APBB1: variants seen among roughly 807,000 people sequenced by gnomAD.
APBB1 encodes amyloid beta precursor protein binding family B member 1, also known as adaptor protein FE65a2.
In APBB1, 22 loss-of-function variants were observed where a neutral mutation model predicts 78.4. That is an observed-to-expected ratio of 0.28 (90% confidence interval 0.20 to 0.40). APBB1 has a LOEUF of 0.40. Ranked by LOEUF, APBB1 falls within the 10% of genes least tolerant of loss-of-function variation. The pLI is 1.00. For synonymous variants in APBB1, 369 were observed against 372.7 expected, an observed-to-expected ratio of 0.99 and a Z score of 0.12; for missense variants, 749 against 932.4, an observed-to-expected ratio of 0.80 and a Z score of 2.56.
rs1222602655 is a variant in APBB1 at position 6,411,290 on chromosome 11, G to T, written c.58C>A (p.Pro20Thr). The T allele has an allele frequency of 1.9e-6, 3 of 1,568,436 alleles. No individual in the cohort carries two copies. Among genetic ancestry groups the T allele is most frequent in the East Asian group, 4.5e-5 (2 of 44,464 alleles). ...SAINANSHGG[P>T]ALSLPLPLHA... Reference sequence around the variant, plus strand: ...AGAGGCAGGGGTAGGCTCAGTGCGGGGCCTCCGTGGCTGTTGGCATTAATG... The same window carrying T: ...AGAGGCAGGGGTAGGCTCAGTGCGGTGCCTCCGTGGCTGTTGGCATTAATG... Residue 20 changes from proline (P) to threonine (T), a missense_variant, in exon 2 of 15, where the codon CCC (proline) becomes ACC (threonine). Transcript: ENST00000609360. The surrounding 1 kb of genome is among the most constrained non-coding windows in gnomAD (Gnocchi z 5.2).
rs1848359501 is a variant in APBB1, at chr11:6,398,841, AAGTC to A, written c.1672+2144_1672+2147del. Among the ~76,000 whole-genome samples, 9 of 152,232 alleles carry A rather than the reference AAGTC, an allele frequency of 5.9e-5. No homozygotes were observed. The South Asian group carries it at 1.7e-3, about 28-fold the overall frequency. ...TTTCAATGTAAGATTTTGGACGTGA[AAGTC>A]AGCACGGTATAAGGGAAAGTGCAGA... On this transcript the variant is annotated intron_variant, in intron 12 of 14. Coordinates refer to ENST00000609360, the MANE Select transcript of APBB1 (RefSeq NM_001164.5).
Position 6,401,226 on chromosome 11 carries a change from T to C in APBB1, c.1588+119A>G. On this transcript the variant is annotated intron_variant, in intron 11 of 14. Coordinates refer to ENST00000609360, the MANE Select transcript of APBB1 (RefSeq NM_001164.5). The surrounding 1 kb of genome is among the most constrained non-coding windows in gnomAD (Gnocchi z 4.5). Reference sequence around the variant, plus strand: ...ACCGGAGTCCCTCCACGTATTGGAGTATTCAGTCTTCATGTGTTCATTTTT... The same window carrying C: ...ACCGGAGTCCCTCCACGTATTGGAGCATTCAGTCTTCATGTGTTCATTTTT... 1 of 1,610,292 alleles carries C rather than the reference T, an allele frequency of 6.2e-7. No individual in the cohort carries two copies. Among genetic ancestry groups the C allele is most frequent in the South Asian group, 1.1e-5 (1 of 90,568 alleles).
chr11:6,410,143 T>C (rs1848921375), intron 2 of APBB1, among the ~76,000 whole-genome samples: 1 of 151,576 alleles, frequency 6.6e-6, no homozygotes, highest in Non-Finnish European at 1.5e-5. Context: ...GCTCTATGCA[T>C]TGGCGGCAGC....
In APBB1 at chr11:6,410,740, C is replaced by T. The variant is rs1048431765; in HGVS notation, c.608G>A (p.Ser203Asn). The stretch of plus-strand genomic sequence containing the variant: ...GCCAAACAGGAGGCTGGCACTCTTG[C>T]TGTGTTCCCGGGGGCCATCTGTAAG... Reference protein sequence around the residue: ...QALTDGPREHSKSASLLFGMR... With the variant: ...QALTDGPREHNKSASLLFGMR... The change falls in exon 2 of 15, where the codon AGC becomes AAC. Residue 203 changes from serine (S) to asparagine (N), a missense_variant. Around this residue, in one of 3 missense-constraint regions of APBB1, gnomAD observed 635 missense variants for 765.0 expected, o/e 0.83. Transcript: ENST00000609360. The T allele has an allele frequency of 1.9e-6, 3 of 1,572,006 alleles. No individual in the cohort carries two copies. Among genetic ancestry groups the T allele is most frequent in the African/African-American group, 2.7e-5 (2 of 73,678 alleles).
intron 1 of APBB1, 28 bp downstream of exon 1, chr11:6,418,957 G>A (rs1017399409): frequency 1.8e-5 from 7 of 389,506 alleles, no homozygotes; most frequent in African/African-American, 6.2e-5. Flanking sequence ...AGCCACCGGG[G>A]CTGGGCCGGG....
rs1247037775 is a variant in APBB1, at chr11:6,402,598, G to C, written c.1232C>G (p.Pro411Arg). Residue 411 changes from proline to arginine, a missense_variant, in exon 7 of 15, where the codon CCC (proline) becomes CGC (arginine). By Grantham distance (103) the Pro-to-Arg change is moderately radical. Transcript: ENST00000609360. The part of the protein sequence containing the change: ...LSYHKNNLHD[P>R]MSGGWGEGKD... ...TACTTCCCCCCAGCCCCCAGACATGGGGTCATGCAGGTTGTTTTTGTGGTA... is the reference window on the plus strand; with the variant it reads ...TACTTCCCCCCAGCCCCCAGACATGCGGTCATGCAGGTTGTTTTTGTGGTA... The C allele has an allele frequency of 6.2e-7, 1 of 1,613,944 alleles. No individual in the cohort carries two copies. The highest frequency in any genetic ancestry group is 8.5e-7 in the Non-Finnish European group (1 of 1,180,000).
intron 2 of APBB1, among the ~76,000 whole-genome samples, chr11:6,409,154 C>T (rs1413763846): frequency 3.9e-5 from 6 of 152,050 alleles, no homozygotes; most frequent in Middle Eastern, 3.4e-3. Flanking sequence ...ACTGTAGTCT[C>T]GACTTTCTTG....
At chr11:6,412,886 C>A (rs1212124981) in intron 1 of APBB1, among the ~76,000 whole-genome samples, 2 of 152,168 alleles carry the variant, frequency 1.3e-5, no homozygotes, top group African/African-American at 2.4e-5. Context: ...AAGAGGACGT[C>A]CTGTTCCGCA....
chr11:6,419,136 G>A (rs981815378), upstream of APBB1: 6 of 359,528 alleles, frequency 1.7e-5, no homozygotes, highest in African/African-American at 2.3e-5. Context: ...CGCAAGGGGA[G>A]GGGGAGGGGC....
intron 2 of APBB1, among the ~76,000 whole-genome samples, chr11:6,405,855 A>G (rs1848781166): frequency 6.6e-6 from 1 of 151,862 alleles, no homozygotes; most frequent in African/African-American, 2.4e-5. Context: ...TTGCCTCAGG[A>G]CTCTCCTGCT....
chr11:6,403,690 C>G lies in APBB1; in HGVS notation c.854G>C (p.Arg285Pro). Residue 285 changes from arginine (R) to proline (P), a missense_variant, in exon 3 of 15, where the codon CGG becomes CCG. Arg to Pro is a moderately radical substitution (Grantham distance 103). This residue lies in a region of APBB1 where 635 missense variants were observed against 765.0 expected (regional missense o/e 0.83). Coordinates refer to ENST00000609360, the MANE Select transcript of APBB1 (RefSeq NM_001164.5). This position sits in a 1 kb window ranked among gnomAD's most constrained non-coding sequence, Gnocchi z 5.3. ...TGTTQWEPPG[R>P]ASPSQGSSPQ... Reference sequence around the variant, plus strand: ...GCTGCTCCCCTGTGAGGGGGAGGCCCGGCCGGGGGGTTCCCACTGGGTGGT... The same window carrying G: ...GCTGCTCCCCTGTGAGGGGGAGGCCGGGCCGGGGGGTTCCCACTGGGTGGT... 6.2e-7 allele frequency: 1 copy of G among 1,608,352 alleles called. No individual in the cohort carries two copies. Among genetic ancestry groups the G allele is most frequent in the East Asian group, 2.2e-5 (1 of 44,762 alleles).
rs777956176 is a variant in APBB1, at chr11:6,410,813, G to C, written c.535C>G (p.Leu179Val). The C allele has an allele frequency of 2.5e-6, 4 of 1,613,578 alleles. No individual in the cohort carries two copies. The East Asian group carries it at 8.9e-5, about 36-fold the overall frequency. ...EEEDLSSPPG[L>V]PEPLESVEAP... ...TCCACACTCTCCAGGGGCTCAGGCAGCCCTGGGGGAGAAGATAAGTCCTCC... is the reference window on the plus strand; with the variant it reads ...TCCACACTCTCCAGGGGCTCAGGCACCCCTGGGGGAGAAGATAAGTCCTCC... Residue 179 changes from leucine (L) to valine (V), a missense_variant, in exon 2 of 15, where the codon CTG becomes GTG. By Grantham distance (32) the Leu-to-Val change is conservative. This residue lies in a region of APBB1 where 635 missense variants were observed against 765.0 expected (regional missense o/e 0.83). Coordinates refer to ENST00000609360, the MANE Select transcript of APBB1 (RefSeq NM_001164.5).
intron 2 of APBB1, among the ~76,000 whole-genome samples, chr11:6,407,246 CA>C (rs1329530175): frequency 6.6e-6 from 1 of 152,172 alleles, no homozygotes; most frequent in Admixed American, 6.5e-5. Context: ...ACAATGTCTC[CA>C]CCAGTGCATG....
chr11:6,415,233 T>C (rs1430066113), intron 1 of APBB1, among the ~76,000 whole-genome samples: 1 of 152,168 alleles, frequency 6.6e-6, no homozygotes, highest in East Asian at 1.9e-4. Context: ...GGCAGGGGCC[T>C]CGGGGCAGGA....
Position 6,403,686 on chromosome 11 carries a change from G to T in APBB1, c.858C>A (p.Ala286=), listed in dbSNP as rs906944138. ...GTTQWEPPGR[A]SPSQGSSPQE... ...GGGGGCTGCTCCCCTGTGAGGGGGA[G>T]GCCCGGCCGGGGGGTTCCCACTGGG... is the stretch of plus-strand genomic sequence containing the variant. Residue 286 remains alanine (A), a synonymous_variant, in exon 3 of 15, where the codon GCC becomes GCA. Coordinates refer to ENST00000609360, the MANE Select transcript of APBB1 (RefSeq NM_001164.5). The surrounding 1 kb of genome is among the most constrained non-coding windows in gnomAD (Gnocchi z 5.3). 1 of 1,608,252 alleles carries T rather than the reference G, an allele frequency of 6.2e-7. No individual in the cohort carries two copies. The highest frequency in any genetic ancestry group is 8.5e-7 in the Non-Finnish European group (1 of 1,176,470).
At chr11:6,396,384 T>C in intron 12 of APBB1, 169 bp from the exon 13 acceptor site, 1 of 586,724 alleles carries the variant, frequency 1.7e-6, no homozygotes, top group Non-Finnish European at 2.9e-6. Context: ...GGGGCTCTCC[T>C]CCCCTGGCTT....
At chr11:6,400,875 A>G in intron 12 of APBB1, 114 bp downstream of exon 12, 1 of 962,122 alleles carries the variant, frequency 1.0e-6, no homozygotes, top group Non-Finnish European at 1.7e-6. Flanking sequence ...TTTAAAGGGT[A>G]GGGAGACACC....
At chr11:6,400,533 C>A (rs1251731374) in intron 12 of APBB1, among the ~76,000 whole-genome samples, 2 of 112,148 alleles carry the variant, frequency 1.8e-5, no homozygotes, top group African/African-American at 7.0e-5. Context: ...CAGAGCGAGA[C>A]TTGTCTTTAA....
intron 1 of APBB1, among the ~76,000 whole-genome samples, chr11:6,414,478 T>C (rs1025591059): frequency 6.6e-6 from 1 of 152,142 alleles, no homozygotes; most frequent in South Asian, 2.1e-4. Flanking sequence ...CAGACTGGGC[T>C]GTTGCAGAAG....
Sources: allele counts gnomAD v4.1 joint callset (sites outside exome capture counted in the v4.1 genomes callset), GRCh38; gene constraint gnomAD v4.1.1; regional missense constraint gnomAD v4.1.1; non-coding constraint Gnocchi (gnomAD v3.1); transcripts MANE v1.5; gene names NCBI Gene and HGNC (gene_info 2026-07-23, HGNC 2026-07-21).